The following KAZN variants were observed in gnomAD, a reference collection of about 807,000 sequenced individuals.
KAZN encodes the protein kazrin.
A neutral mutation model predicts 87.4 loss-of-function variants in KAZN; 40 were observed. The observed-to-expected ratio is 0.46, with a 90% CI of 0.36 to 0.60. The LOEUF is 0.60. KAZN is among the 20% of genes least tolerant of loss of function. The pLI, the probability that KAZN is intolerant of heterozygous loss-of-function variation, is 0.00. For missense variants in KAZN, 898 were observed against 1,073.9 expected (o/e 0.84, Z 2.29); for synonymous variants, 466 against 458.3 (o/e 1.02, Z -0.22).
At position 14,800,006 on chromosome 1, in the gene KAZN, C is replaced by T. The variant is rs779106311; in HGVS notation, c.227-160678C>T. ...CCTGAATTTTGGAGATGTTGTCAGA[C>T]TATCTGCATATCTAGGGAAGTATGA... is the stretch of plus-strand genomic sequence containing the variant. On this transcript the variant is annotated intron_variant, in intron 1 of 14. Coordinates refer to ENST00000376030, the MANE Select transcript of KAZN (RefSeq NM_201628.3). Among the ~76,000 whole-genome samples, 164 of 152,292 alleles carry T rather than the reference C, an allele frequency of 1.1e-3. 2 individuals are homozygous for T. Among genetic ancestry groups the T allele is most frequent in the East Asian group, 7.7e-4 (4 of 5,182 alleles).
rs1028824322 is a variant in KAZN, at chr1:14,683,570, A to C, written c.226+84347A>C. ...ACACACTGAATGCAGTCAATGAATA[A>C]ATGATAAATGGATGCACATTGCGTG... On this transcript the variant is annotated intron_variant, in intron 1 of 14. Coordinates refer to ENST00000376030, the MANE Select transcript of KAZN (RefSeq NM_201628.3). Among the ~76,000 whole-genome samples, 4 of 152,338 alleles carry C rather than the reference A, an allele frequency of 2.6e-5. No individual in the cohort carries two copies. The East Asian group carries it at 7.7e-4, about 29-fold the overall frequency.
At chr1:14,007,092 T>G (rs1199603672) in intron 1 of KAZN, among the ~76,000 whole-genome samples, 1 of 152,198 alleles carries the variant, frequency 6.6e-6, no homozygotes, top group Admixed American at 6.5e-5. Flanking sequence ...TCTTTGATGC[T>G]ATCATGAATG....
At chr1:13,994,871 TAAACAAACAAACAAAC>T (rs3031975) in intron 1 of KAZN, among the ~76,000 whole-genome samples, 1 of 150,542 alleles carries the variant, frequency 6.6e-6, no homozygotes, top group South Asian at 2.1e-4. Flanking sequence ...TGCAGCATGC[TAAACAAACAAACAAAC>T]AAACAAACAA....
intron 1 of KAZN, among the ~76,000 whole-genome samples, chr1:14,662,436 C>T (rs1023436172): frequency 5.9e-5 from 9 of 152,148 alleles, no homozygotes; most frequent in Admixed American, 4.6e-4. Context: ...GGCTCCATCC[C>T]TTGTCTTCGG....
chr1:14,081,563 A>T (rs1303771341), intron 1 of KAZN, among the ~76,000 whole-genome samples: 1 of 152,184 alleles, frequency 6.6e-6, no homozygotes, highest in African/African-American at 2.4e-5. Context: ...TTCATGGCAC[A>T]TGAAAATCAT....
chr1:14,202,953 C>T (rs547474642), intron 2 of KAZN, among the ~76,000 whole-genome samples: 4 of 152,032 alleles, frequency 2.6e-5, no homozygotes, highest in South Asian at 2.1e-4. Context: ...GGAGGCAGAG[C>T]TTGCCGTGAG....
At chr1:14,403,932 C>T (rs924063173) in intron 2 of KAZN, among the ~76,000 whole-genome samples, 18 of 78,612 alleles carry the variant, frequency 2.3e-4, no homozygotes, top group Non-Finnish European at 3.7e-4. Context: ...GAGGTCTCTG[C>T]GCAGAGAGGT....
chr1:14,906,905 C>T (rs565153353), intron 1 of KAZN, among the ~76,000 whole-genome samples: 2 of 151,824 alleles, frequency 1.3e-5, no homozygotes, highest in South Asian at 4.2e-4. Context: ...TTTACAAATG[C>T]TGAGATGAGT....
intron 1 of KAZN, among the ~76,000 whole-genome samples, chr1:14,159,814 C>T (rs935994728): frequency 3.3e-5 from 5 of 152,204 alleles, no homozygotes; most frequent in African/African-American, 1.2e-4. Flanking sequence ...GTGATGAATC[C>T]TTCCAGGACT....
At chr1:14,046,029 A>G (rs963505479) in intron 1 of KAZN, among the ~76,000 whole-genome samples, 43 of 152,228 alleles carry the variant, frequency 2.8e-4, no homozygotes, top group South Asian at 2.1e-4. Flanking sequence ...TCCATTTGCT[A>G]TGAAAATCCT....
At chr1:14,521,672 C>G (rs779710807) in intron 2 of KAZN, among the ~76,000 whole-genome samples, 24 of 152,206 alleles carry the variant, frequency 1.6e-4, no homozygotes, top group Non-Finnish European at 2.8e-4. Context: ...CGCCTACAGT[C>G]CGTAAAAGAC....
At chr1:14,507,708 A>G (rs1670661770) in intron 2 of KAZN, among the ~76,000 whole-genome samples, 1 of 152,182 alleles carries the variant, frequency 6.6e-6, no homozygotes, top group African/African-American at 2.4e-5. Flanking sequence ...CAATGAATCA[A>G]ACACTGATGG....
At chr1:14,419,516 CTG>C (rs1665180373) in intron 2 of KAZN, among the ~76,000 whole-genome samples, 1 of 152,190 alleles carries the variant, frequency 6.6e-6, no homozygotes, top group South Asian at 2.1e-4. Context: ...CCAGTTCCCT[CTG>C]TGTGGGGAAG....
intron 2 of KAZN, among the ~76,000 whole-genome samples, chr1:14,257,395 G>A (rs908017741): frequency 2.8e-5 from 4 of 145,398 alleles, no homozygotes; most frequent in Admixed American, 1.4e-4. Flanking sequence ...AGTAGGTTGC[G>A]AAAATTTTCT....
intron 2 of KAZN, among the ~76,000 whole-genome samples, chr1:14,212,985 A>T (rs913990413): frequency 5.9e-5 from 9 of 152,238 alleles, no homozygotes; most frequent in Non-Finnish European, 1.3e-4. Context: ...TAATGAATTC[A>T]AAATGACATC....
At position 14,599,008 on chromosome 1, in the gene KAZN, A is replaced by G. The variant is rs756134978; in HGVS notation, c.11A>G (p.Asp4Gly). MME[D>G]NKQLALRIDG... Reference sequence around the variant, plus strand: ...GCCAAAATCCTGAGCATGATGGAAGACAATAAGCAGCTCGCGCTCCGCATC... The same window carrying G: ...GCCAAAATCCTGAGCATGATGGAAGGCAATAAGCAGCTCGCGCTCCGCATC... The change falls in exon 1 of 15, where the codon GAC becomes GGC. Residue 4 changes from aspartate (D) to glycine (G), a missense_variant. This residue lies in a region of KAZN where 250 missense variants were observed against 263.0 expected (regional missense o/e 0.95). Coordinates refer to ENST00000376030, the MANE Select transcript of KAZN (RefSeq NM_201628.3). The surrounding 1 kb of genome is among the most constrained non-coding windows in gnomAD (Gnocchi z 4.4). The G allele has an allele frequency of 6.4e-7, 1 of 1,571,148 alleles. No homozygotes were observed. Among genetic ancestry groups the G allele is most frequent in the South Asian group, 1.2e-5 (1 of 86,498 alleles).
intron 1 of KAZN, among the ~76,000 whole-genome samples, chr1:14,021,693 T>C (rs1225893025): frequency 3.9e-5 from 6 of 152,204 alleles, no homozygotes; most frequent in Non-Finnish European, 7.3e-5. Flanking sequence ...CATTATTTTA[T>C]AATTTTAGAA....
intron 1 of KAZN, among the ~76,000 whole-genome samples, chr1:14,664,668 T>G (rs896704679): frequency 1.6e-4 from 24 of 151,252 alleles, no homozygotes; most frequent in African/African-American, 5.8e-4. Flanking sequence ...TTTTTTTTTT[T>G]TCTGAGACAG....
At chr1:14,852,460 C>A (rs528453179) in intron 1 of KAZN, among the ~76,000 whole-genome samples, 1 of 152,352 alleles carries the variant, frequency 6.6e-6, no homozygotes, top group East Asian at 1.9e-4. Context: ...CGGGAGGCAG[C>A]AGCTCTGTGA....
Sources: allele counts gnomAD v4.1 joint callset (sites outside exome capture counted in the v4.1 genomes callset), GRCh38; gene constraint gnomAD v4.1.1; regional missense constraint gnomAD v4.1.1; non-coding constraint Gnocchi (gnomAD v3.1); transcripts MANE v1.5; gene names NCBI Gene and HGNC (gene_info 2026-07-23, HGNC 2026-07-21).